Variants in ANO2 observed in about 807,000 individuals in gnomAD.
ANO2 encodes the protein anoctamin 2, also known as anoctamin-2.
ANO2 carries 101 observed loss-of-function variants against 124.2 expected under a neutral mutation model. That is an observed-to-expected ratio of 0.81 (90% CI 0.69 to 0.96). The LOEUF (loss-of-function observed/expected upper bound fraction) is 0.96. Among genes scored for constraint, ANO2 ranks in the 40% least tolerant of loss-of-function variants. The pLI is 0.00. For synonymous variants in ANO2, 486 were observed against 482.5 expected (o/e 1.01, Z -0.09); for missense variants, 1,293 against 1,274.5 (o/e 1.01, Z -0.22).
At chr12:5,891,223 A>C (rs564789606) in intron 3 of ANO2, among the ~76,000 whole-genome samples, 1 of 152,330 alleles carries the variant, frequency 6.6e-6, no homozygotes, top group South Asian at 2.1e-4. Flanking sequence ...GGCTTTAGAA[A>C]AAGAAAGTCA....
chr12:5,908,775 C>A lies in ANO2; in HGVS notation c.534+12265G>T, dbSNP rs561451388. On this transcript the variant is annotated intron_variant, in intron 3 of 24. Transcript: ENST00000682330. The surrounding 1 kb of genome is among the most constrained non-coding windows in gnomAD (Gnocchi z 4.7). ...CTAACATCCCCAACAGCTGCTCTTCCTTTTGCTTCCATTGTAACTGTCGCT... is the reference window on the plus strand; with the variant it reads ...CTAACATCCCCAACAGCTGCTCTTCATTTTGCTTCCATTGTAACTGTCGCT... 6.6e-6 allele frequency among the ~76,000 whole-genome samples: 1 copy of A among 152,236 alleles called. No homozygotes were observed. Among genetic ancestry groups the A allele is most frequent in the African/African-American group, 2.4e-5 (1 of 41,454 alleles).
chr12:5,841,162 G>A (rs969690439), intron 4 of ANO2, among the ~76,000 whole-genome samples: 1 of 152,186 alleles, frequency 6.6e-6, no homozygotes, highest in Non-Finnish European at 1.5e-5. Context: ...GTCCCTGCTC[G>A]CTTGCTGCAC....
At chr12:5,923,170 A>ACG (rs1485038930) in intron 1 of ANO2, among the ~76,000 whole-genome samples, 2 of 61,678 alleles carry the variant, frequency 3.2e-5, no homozygotes, top group African/African-American at 8.8e-5. Context: ...GCATACACAC[A>ACG]CACGCACACA....
Position 5,775,900 on chromosome 12 carries a change from CAG to C in ANO2, c.1055+23605_1055+23606del, listed in dbSNP as rs919281325. ...GCTGACAGTAAAGGGCAGTAGTAAA[CAG>C]AGGAGTGTGGGTTAAACACTGACAC... On this transcript the variant is annotated intron_variant, in intron 10 of 24. Transcript: ENST00000682330. Among the ~76,000 whole-genome samples the C allele has an allele frequency of 1.9e-4, 29 of 152,272 alleles. No homozygotes were observed. The South Asian group carries it at 2.5e-3, about 13-fold the overall frequency.
chr12:5,882,108 T>C (rs962297160), intron 3 of ANO2, among the ~76,000 whole-genome samples: 2 of 151,974 alleles, frequency 1.3e-5, no homozygotes, highest in African/African-American at 4.8e-5. Flanking sequence ...TCTTCAAGAG[T>C]CATTAAGAAC....
intron 19 of ANO2, among the ~76,000 whole-genome samples, chr12:5,604,611 C>T (rs1012805292): frequency 2.6e-5 from 4 of 152,220 alleles, no homozygotes; most frequent in South Asian, 2.1e-4. Flanking sequence ...ACAGGGGCTA[C>T]GGGAGGGGCT....
chr12:5,940,502 G>A (rs1942852721), intron 1 of ANO2, among the ~76,000 whole-genome samples: 1 of 152,166 alleles, frequency 6.6e-6, no homozygotes, highest in South Asian at 2.1e-4. Flanking sequence ...GGATTTGCAG[G>A]CAGAGGAGCT....
chr12:5,591,453 T>G (rs1253400130), intron 20 of ANO2, among the ~76,000 whole-genome samples: 1 of 152,222 alleles, frequency 6.6e-6, no homozygotes, highest in Non-Finnish European at 1.5e-5. Context: ...GTTGACCGAC[T>G]TTAGTCTTCT....
At chr12:5,677,411 C>T (rs542267978) in intron 14 of ANO2, among the ~76,000 whole-genome samples, 16 of 152,326 alleles carry the variant, frequency 1.1e-4, no homozygotes, top group African/African-American at 3.6e-4. Context: ...TGTCCTCCTT[C>T]AAGGAAAAAG....
Position 5,808,366 on chromosome 12 carries a change from A to T in ANO2, c.893-998T>A, listed in dbSNP as rs376011823. 2.0e-5 allele frequency among the ~76,000 whole-genome samples: 3 copies of T among 152,164 alleles called. No individual in the cohort carries two copies. The East Asian group carries it at 5.8e-4, about 29-fold the overall frequency. On this transcript the variant is annotated intron_variant, in intron 7 of 24. Coordinates refer to ENST00000682330, the MANE Select transcript of ANO2 (RefSeq NM_001364791.2). The stretch of plus-strand genomic sequence containing the variant: ...AAAGTCGTCGTTATTTACTTGTTTC[A>T]TTCTTGGTTTTTTTCAGAGACTATA...
Position 5,921,337 on chromosome 12 carries a change from C to T in ANO2, c.237G>A (p.Glu79=). The change falls in exon 3 of 25, where the codon GAG becomes GAA. Residue 79 remains glutamate, a synonymous_variant. Transcript: ENST00000682330. The stretch of plus-strand genomic sequence containing the variant: ...TAAGACGGGCCTCCAAGGACACAGG[C>T]TCATTGGCATCCAGATAGTTGTTGA... ...SVINNYLDAN[E]PVSLEARLSR... 2.5e-6 allele frequency: 4 copies of T among 1,613,872 alleles called. No individual in the cohort carries two copies. The highest frequency in any genetic ancestry group is 3.4e-6 in the Non-Finnish European group (4 of 1,179,832).
At chr12:5,853,139 C>T (rs374687084) in intron 4 of ANO2, among the ~76,000 whole-genome samples, 5 of 149,282 alleles carry the variant, frequency 3.3e-5, no homozygotes, top group African/African-American at 7.4e-5. Flanking sequence ...TGCAAGGAGA[C>T]ATGTCACCTA....
intron 14 of ANO2, among the ~76,000 whole-genome samples, chr12:5,690,124 G>A (rs1948869670): frequency 6.6e-6 from 1 of 152,116 alleles, no homozygotes; most frequent in African/African-American, 2.4e-5. Context: ...ACTGGCTGGA[G>A]TTAATGATGA....
intron 14 of ANO2, among the ~76,000 whole-genome samples, chr12:5,659,769 T>C (rs1352210382): frequency 6.6e-6 from 1 of 152,102 alleles, no homozygotes; most frequent in East Asian, 1.9e-4. Context: ...TTTTCTCAGC[T>C]CGCTGCCTCG....
At chr12:5,800,502 C>CAGAGG (rs1287866683) in intron 9 of ANO2, among the ~76,000 whole-genome samples, 2 of 152,130 alleles carry the variant, frequency 1.3e-5, no homozygotes, top group African/African-American at 4.8e-5. Flanking sequence ...CTGGAATGGT[C>CAGAGG]CAGGGAAGAG....
At position 5,916,194 on chromosome 12, in the gene ANO2, C is replaced by T. The variant is rs57119711; in HGVS notation, c.534+4846G>A. ...CAGGAGGCTGAGGCAGGAGGATCAC[C>T]GGCACCTGGGGAGTTGAGCCTGCAG... On this transcript the variant is annotated intron_variant, in intron 3 of 24. Transcript: ENST00000682330. Among the ~76,000 whole-genome samples, 375 of 152,122 alleles carry T rather than the reference C, an allele frequency of 2.5e-3. 3 individuals carry two copies. The highest frequency in any genetic ancestry group is 8.7e-3 in the African/African-American group (360 of 41,490).
intron 14 of ANO2, among the ~76,000 whole-genome samples, chr12:5,690,806 C>A (rs1228988526): frequency 2.0e-5 from 3 of 152,170 alleles, no homozygotes; most frequent in Non-Finnish European, 4.4e-5. Context: ...AATGTCACCC[C>A]ATCCTGAGCA....
chr12:5,619,701 C>T (rs1414460516), intron 16 of ANO2, among the ~76,000 whole-genome samples: 1 of 152,212 alleles, frequency 6.6e-6, no homozygotes, highest in Non-Finnish European at 1.5e-5. Context: ...AAGAGGAAGC[C>T]CAGATTCCTG....
intron 17 of ANO2, among the ~76,000 whole-genome samples, chr12:5,613,530 C>T (rs1944649309): frequency 6.6e-6 from 1 of 152,112 alleles, no homozygotes; most frequent in African/African-American, 2.4e-5. Context: ...CTGTGCAGGT[C>T]GGGGAAGCAA....
Sources: allele counts gnomAD v4.1 joint callset (sites outside exome capture counted in the v4.1 genomes callset), GRCh38; gene constraint gnomAD v4.1.1; non-coding constraint Gnocchi (gnomAD v3.1); transcripts MANE v1.5; gene names NCBI Gene and HGNC (gene_info 2026-07-23, HGNC 2026-07-21).